Variants in POU2F1 observed in about 807,000 individuals in gnomAD.
POU2F1 encodes POU class 2 homeobox 1.
Under a neutral mutation model 84.9 loss-of-function variants are expected in POU2F1, and 16 were observed. That is an observed-to-expected ratio of 0.19 (90% CI 0.13 to 0.29). The LOEUF (loss-of-function observed/expected upper bound fraction) is 0.29, where lower values mean the gene tolerates loss of function less well. Ranked by LOEUF, POU2F1 falls within the 10% of genes least tolerant of loss-of-function variation. POU2F1 has a pLI of 1.00. For missense variants in POU2F1, 738 were observed against 942.6 expected (o/e 0.78, Z 2.84); for synonymous variants, 368 against 368.3 (o/e 1.00, Z 0.01).
chr1:167,262,992 ACTGAAGTG>A (rs1213204783), intron 1 of POU2F1, among the ~76,000 whole-genome samples: 1 of 152,224 alleles, frequency 6.6e-6, no homozygotes, highest in African/African-American at 2.4e-5. Flanking sequence ...GTGGGGAGCC[ACTGAAGTG>A]TTTTGAGTAA....
intron 1 of POU2F1, among the ~76,000 whole-genome samples, chr1:167,245,414 T>A (rs1650237488): frequency 6.7e-6 from 1 of 149,692 alleles, no homozygotes; most frequent in East Asian, 2.0e-4. Flanking sequence ...CTGGCTAATT[T>A]TTTTTTTTTT....
At chr1:167,333,848 TC>T (rs1657242322) in intron 2 of POU2F1, among the ~76,000 whole-genome samples, 1 of 152,170 alleles carries the variant, frequency 6.6e-6, no homozygotes, top group Non-Finnish European at 1.5e-5. Flanking sequence ...CAGCACTGGT[TC>T]CTATGCCAGT....
chr1:167,325,133 G>A (rs1324078248), intron 1 of POU2F1, among the ~76,000 whole-genome samples: 3 of 152,140 alleles, frequency 2.0e-5, no homozygotes, highest in Non-Finnish European at 4.4e-5. Flanking sequence ...GAGGTACTAA[G>A]TATTTTTATT....
intron 1 of POU2F1, among the ~76,000 whole-genome samples, chr1:167,273,511 A>G (rs1652517839): frequency 6.6e-6 from 1 of 152,026 alleles, no homozygotes; most frequent in African/African-American, 2.4e-5. Context: ...CCAAGCCTCA[A>G]CTCTTGCCCT....
At chr1:167,309,942 A>G (rs538189067) in intron 1 of POU2F1, among the ~76,000 whole-genome samples, 1 of 152,284 alleles carries the variant, frequency 6.6e-6, no homozygotes, top group East Asian at 1.9e-4. Context: ...TACTGTTTTT[A>G]AGTCAATTCT....
intron 1 of POU2F1, among the ~76,000 whole-genome samples, chr1:167,316,121 C>T (rs1319754419): frequency 6.6e-6 from 1 of 152,118 alleles, no homozygotes; most frequent in Non-Finnish European, 1.5e-5. Flanking sequence ...GGACGGAATT[C>T]TTTGTGATGA....
intron 1 of POU2F1, among the ~76,000 whole-genome samples, chr1:167,279,888 C>G (rs562236033): frequency 6.6e-6 from 1 of 152,164 alleles, no homozygotes; most frequent in African/African-American, 2.4e-5. Flanking sequence ...AGCACTCTGA[C>G]TTGACAAAAT....
At chr1:167,339,179 C>G (rs1031216159) in intron 2 of POU2F1, among the ~76,000 whole-genome samples, 2 of 152,138 alleles carry the variant, frequency 1.3e-5, no homozygotes, top group Non-Finnish European at 2.9e-5. Context: ...TCCTGTCCCC[C>G]TCCTCCCCTC....
intron 15 of POU2F1, among the ~76,000 whole-genome samples, chr1:167,415,001 G>T (rs182981987): frequency 4.4e-4 from 67 of 152,258 alleles, no homozygotes; most frequent in African/African-American, 1.6e-3. Context: ...ACCTCAGATC[G>T]TGCTCTATGA....
chr1:167,409,578 T>C (rs1169163557), intron 13 of POU2F1, among the ~76,000 whole-genome samples: 1 of 152,262 alleles, frequency 6.6e-6, no homozygotes, highest in African/African-American at 2.4e-5. Flanking sequence ...CCATAATGCT[T>C]ATTTATATAA....
intron 2 of POU2F1, among the ~76,000 whole-genome samples, chr1:167,340,874 C>G (rs1020718265): frequency 1.3e-5 from 2 of 152,100 alleles, no homozygotes; most frequent in Non-Finnish European, 2.9e-5. Flanking sequence ...TGAGACGATT[C>G]ATGAGAAGTA....
intron 2 of POU2F1, among the ~76,000 whole-genome samples, chr1:167,343,963 A>G (rs902025568): frequency 6.6e-6 from 1 of 152,036 alleles, no homozygotes; most frequent in East Asian, 1.9e-4. Flanking sequence ...GAATCAGCCA[A>G]GAGGACCAAG....
intron 1 of POU2F1, among the ~76,000 whole-genome samples, chr1:167,253,657 G>A (rs1314511093): frequency 5.9e-5 from 9 of 152,030 alleles, no homozygotes; most frequent in Non-Finnish European, 1.5e-5. Context: ...AAATTCTTGA[G>A]CTCAAGTGAT....
chr1:167,358,736 T>TTTTTTTTTTTTTTTTTTTTTTTTTTC (rs1659148635), intron 2 of POU2F1, among the ~76,000 whole-genome samples: 1 of 135,572 alleles, frequency 7.4e-6, no homozygotes, highest in African/African-American at 2.8e-5. Flanking sequence ...TTTTTTTTTT[T>TTTTTTTTTTTTTTTTTTTTTTTTTTC]TGAGACAGGT....
intron 1 of POU2F1, among the ~76,000 whole-genome samples, chr1:167,263,871 T>C (rs1415354009): frequency 1.3e-5 from 2 of 152,200 alleles, no homozygotes; most frequent in Non-Finnish European, 2.9e-5. Flanking sequence ...AGGGAAGATA[T>C]GTTGAAATCT....
Position 167,332,475 on chromosome 1 carries a change from A to G in POU2F1, c.67A>G (p.Arg23Gly). Residue 23 changes from arginine to glycine, a missense_variant, in exon 2 of 16, where the codon AGA becomes GGA. Coordinates refer to ENST00000367866, the MANE Select transcript of POU2F1 (RefSeq NM_002697.4). ...TCTCCTCTGATTTATTGCAGACTCA[A>G]GAATGAACAATCCGTCAGAAACCAG... ...SAAAAAAADS[R>G]MNNPSETSKP... 6.2e-7 allele frequency: 1 copy of G among 1,609,268 alleles called. No individual in the cohort carries two copies. The highest frequency in any genetic ancestry group is 8.5e-7 in the Non-Finnish European group (1 of 1,175,762).
chr1:167,326,181 C>T (rs1656697122), intron 1 of POU2F1, among the ~76,000 whole-genome samples: 3 of 152,142 alleles, frequency 2.0e-5, no homozygotes, highest in Admixed American at 6.5e-5. Context: ...CAACCATTGC[C>T]TTACAATCAA....
chr1:167,245,962 A>G (rs561572439), intron 1 of POU2F1, among the ~76,000 whole-genome samples: 2 of 152,242 alleles, frequency 1.3e-5, no homozygotes, highest in Non-Finnish European at 2.9e-5. Flanking sequence ...TACTAAATGG[A>G]CAGACAAAAA....
chr1:167,336,402 T>C (rs1657450361), intron 2 of POU2F1, among the ~76,000 whole-genome samples: 1 of 152,178 alleles, frequency 6.6e-6, no homozygotes, highest in South Asian at 2.1e-4. Flanking sequence ...TAAAAAGTGA[T>C]CTCTCTATGT....
Sources: gnomAD v4.1 joint callset for allele counts (sites outside exome capture counted in the v4.1 genomes callset) on GRCh38, gnomAD v4.1.1 for gene constraint, MANE v1.5 for transcripts, NCBI Gene and HGNC (gene_info 2026-07-23, HGNC 2026-07-21) for gene names.